UBA3: variants seen among roughly 807,000 people sequenced by gnomAD.
UBA3 encodes ubiquitin like modifier activating enzyme 3.
Under a neutral mutation model 73.5 loss-of-function variants are expected in UBA3, and 26 were observed. The ratio of observed to expected loss-of-function variants is 0.35; its 90% CI spans 0.26 to 0.49. The LOEUF is 0.49. UBA3 is among the 20% of genes least tolerant of loss of function. UBA3 has a pLI of 0.98. For synonymous variants in UBA3, 217 were observed against 191.2 expected, an observed-to-expected ratio of 1.13 and a Z score of -1.11; for missense variants, 495 against 555.6, an observed-to-expected ratio of 0.89 and a Z score of 1.10.
chr3:69,064,906 C>T (rs968773478), intron 6 of UBA3, among the ~76,000 whole-genome samples: 4 of 151,956 alleles, frequency 2.6e-5, no homozygotes, highest in African/African-American at 9.7e-5. Context: ...AAAAGCAATA[C>T]AGAGAAAAAA....
At chr3:69,057,000 A>G (rs1009788141) in intron 12 of UBA3, among the ~76,000 whole-genome samples, 185 bp from the exon 13 acceptor site, 2 of 152,214 alleles carry the variant, frequency 1.3e-5, no homozygotes, top group Admixed American at 1.3e-4. Context: ...ATAGAGTAAC[A>G]CTACATGTTT....
At chr3:69,058,033 C>T (rs1182137922) in intron 11 of UBA3, among the ~76,000 whole-genome samples, 9 of 150,954 alleles carry the variant, frequency 6.0e-5, no homozygotes, top group Admixed American at 6.0e-4. Flanking sequence ...TGGGTTCACG[C>T]CATTCTCCTG....
intron 4 of UBA3, among the ~76,000 whole-genome samples, chr3:69,072,545 C>A (rs1359235311): frequency 6.6e-6 from 1 of 152,176 alleles, no homozygotes; most frequent in Non-Finnish European, 1.5e-5. Flanking sequence ...CTTCCTCCAC[C>A]CTAAAACATG....
chr3:69,055,839 T>C lies in UBA3; in HGVS notation c.1303+12A>G, dbSNP rs1012589505. 3.7e-6 allele frequency: 6 copies of C among 1,607,418 alleles called. No homozygotes were observed. In the African/African-American group the frequency reaches 8.0e-5, roughly 22 times the overall value. ...AAAGAAAATGATTAGTAAATACCCTTATGTAAAATACCTTTCAATGTTTTG... is the reference window on the plus strand; with the variant it reads ...AAAGAAAATGATTAGTAAATACCCTCATGTAAAATACCTTTCAATGTTTTG... On this transcript the variant is annotated intron_variant, in intron 17 of 17. Transcript: ENST00000361055.
chr3:69,064,089 A>C lies in UBA3; in HGVS notation c.451T>G (p.Phe151Val), dbSNP rs1352195204. The C allele has an allele frequency of 6.2e-7, 1 of 1,604,386 alleles. No individual in the cohort carries two copies. The stretch of plus-strand genomic sequence containing the variant: ...TTACGTCGATAGAAAGTGTCGTTAA[A>C]ATCTTGAATCTTGTTGAAATGTCTG... ...VVPHFNKIQD[F>V]NDTFYRQFHI... The change falls in exon 7 of 18, where the codon TTT becomes GTT. Residue 151 changes from phenylalanine (F) to valine (V), a missense_variant. Phe to Val is a conservative substitution (Grantham distance 50). Transcript: ENST00000361055.
chr3:69,074,858 A>G (rs1177906643), intron 4 of UBA3, among the ~76,000 whole-genome samples: 5 of 152,308 alleles, frequency 3.3e-5, no homozygotes, highest in African/African-American at 9.6e-5. Context: ...GGTGTCCACA[A>G]TCGTCTTATT....
intron 5 of UBA3, among the ~76,000 whole-genome samples, chr3:69,069,270 AT>A (rs1250253358): frequency 2.0e-5 from 3 of 152,222 alleles, no homozygotes; most frequent in Non-Finnish European, 4.4e-5. Context: ...TCGTGTGCTT[AT>A]TAGAAAAAAA....
In UBA3 at chr3:69,077,107, C is replaced by CT. The variant is rs80255626; in HGVS notation, c.183+690dup. The stretch of plus-strand genomic sequence containing the variant: ...AGAATTAATACTTTCAATTCTTTTT[C>CT]TTTTTTTTTTTTTTATTTTTAATGC... On this transcript the variant is annotated intron_variant, in intron 3 of 17. Coordinates refer to ENST00000361055, the MANE Select transcript of UBA3 (RefSeq NM_003968.4). Among the ~76,000 whole-genome samples the CT allele has an allele frequency of 2.2e-3, 312 of 139,232 alleles. 1 individual carries two copies. Among genetic ancestry groups the CT allele is most frequent in the East Asian group, 2.5e-3 (12 of 4,830 alleles). 91.3% of individuals were successfully genotyped at this position (139,232 alleles called of 152,430 possible). A position where few individuals can be genotyped will look rare whatever the true frequency, so the allele number is the denominator to read the frequency against.
chr3:69,056,337 C>G (rs528285733), intron 14 of UBA3, 54 bp from the exon 15 acceptor site: 1 of 1,309,040 alleles, frequency 7.6e-7, no homozygotes, highest in African/African-American at 1.5e-5. Context: ...ATATTAGTCT[C>G]TTTTATGAAC....
intron 14 of UBA3, 119 bp from the exon 15 acceptor site, chr3:69,056,402 T>G (rs1265425730): frequency 2.5e-5 from 24 of 968,702 alleles, no homozygotes; most frequent in African/African-American, 3.3e-5. Context: ...ATAAAAAAAT[T>G]TTTATGCTTT....
chr3:69,055,691 A>C (rs2091966665), intron 17 of UBA3, among the ~76,000 whole-genome samples, 160 bp downstream of exon 17: 1 of 152,206 alleles, frequency 6.6e-6, no homozygotes, highest in South Asian at 2.1e-4. Flanking sequence ...ATATTCTACT[A>C]AAAGAGCAAT....
chr3:69,057,924 C>CTT (rs368333207), intron 11 of UBA3, among the ~76,000 whole-genome samples: 51,382 of 115,394 alleles, frequency 0.45, 13,513 homozygotes, highest in Admixed American at 0.55. Flanking sequence ...CCACATTTTT[C>CTT]TTTTTTTTTT....
At position 69,059,911 on chromosome 3, in the gene UBA3, TA is replaced by T. The variant is rs539950537; in HGVS notation, c.910+1902del. 3.2e-4 allele frequency among the ~76,000 whole-genome samples: 49 copies of T among 152,322 alleles called. 1 individual carries two copies. The South Asian group carries it at 9.9e-3, about 31-fold the overall frequency. The stretch of plus-strand genomic sequence containing the variant: ...TGTTGGAGTAGCCTCATTTGGCTAC[TA>T]TGACTAACTTAGCAACTCAGGAAAA... On this transcript the variant is annotated intron_variant, in intron 11 of 17. Transcript: ENST00000361055.
rs1191240200 is a variant in UBA3 at position 69,063,949 on chromosome 3, A to G, written c.472+119T>C. On this transcript the variant is annotated intron_variant, in intron 7 of 17. Transcript: ENST00000361055. Reference sequence around the variant, plus strand: ...TATCAGCAACATTACTGAAAAGCCAACAGTGAGAGAGGAAAGCAAGTGAAG... The same window carrying G: ...TATCAGCAACATTACTGAAAAGCCAGCAGTGAGAGAGGAAAGCAAGTGAAG... The G allele has an allele frequency of 1.6e-5, 14 of 857,340 alleles. No individual in the cohort carries two copies. The East Asian group carries it at 3.5e-4, about 21-fold the overall frequency. The allele number at this position is 857,340 out of a possible 1,614,324, so 53.1% of individuals were successfully genotyped here. A position where few individuals can be genotyped will look rare whatever the true frequency, so the allele number is the denominator to read the frequency against.
At chr3:69,063,238 T>C (rs2092038911) in intron 8 of UBA3, 101 bp from the exon 9 acceptor site, 1 of 1,434,452 alleles carries the variant, frequency 7.0e-7, no homozygotes, top group Non-Finnish European at 9.5e-7. Context: ...TGCTATTGAA[T>C]ACCAATGTAT....
intron 1 of UBA3, 24 bp downstream of exon 1, chr3:69,080,310 C>G (rs1013165037): frequency 6.2e-7 from 1 of 1,604,064 alleles, no homozygotes; most frequent in Non-Finnish European, 8.5e-7. Context: ...CAGCCCGGCG[C>G]GTCTGCAGAG....
chr3:69,058,135 T>TTA (rs1428587295), intron 11 of UBA3, among the ~76,000 whole-genome samples: 1 of 152,104 alleles, frequency 6.6e-6, no homozygotes, highest in Non-Finnish European at 1.5e-5. Context: ...TTTCACCGTG[T>TTA]TAGCCACGAT....
chr3:69,063,208 G>A, intron 8 of UBA3, 71 bp from the exon 9 acceptor site: 2 of 1,573,820 alleles, frequency 1.3e-6, no homozygotes, highest in South Asian at 1.1e-5. Context: ...ATGCTTTCAA[G>A]TAATCCTATG....
chr3:69,079,916 G>C, intron 2 of UBA3, 196 bp downstream of exon 2: 2 of 548,174 alleles, frequency 3.6e-6, no homozygotes, highest in East Asian at 3.3e-5. Context: ...CCCGACGCCC[G>C]CACCGGGCAG....
Sources: allele counts gnomAD v4.1 joint callset (sites outside exome capture counted in the v4.1 genomes callset), GRCh38; gene constraint gnomAD v4.1.1; transcripts MANE v1.5; gene names NCBI Gene and HGNC (gene_info 2026-07-23, HGNC 2026-07-21).